The following CECR2 variants were observed in gnomAD, a reference collection of about 807,000 sequenced individuals.
CECR2 encodes the protein CECR2 histone acetyl-lysine reader, also known as chromatin remodeling regulator CECR2.
CECR2 carries 30 observed loss-of-function variants against 154.5 expected under a neutral mutation model. That is an observed-to-expected ratio of 0.19 (90% CI 0.15 to 0.26). The LOEUF (loss-of-function observed/expected upper bound fraction) is 0.26, where lower values mean the gene tolerates loss of function less well. CECR2 is among the 10% of genes least tolerant of loss of function. The pLI is 1.00. For missense variants in CECR2, 1,743 were observed against 1,829.3 expected (o/e 0.95, Z 0.86); for synonymous variants, 725 against 683.7 (o/e 1.06, Z -0.94).
intron 8 of CECR2, among the ~76,000 whole-genome samples, chr22:17,522,981 G>A (rs938828680): frequency 2.6e-5 from 4 of 151,226 alleles, no homozygotes; most frequent in Admixed American, 1.3e-4. Context: ...CTCCAGCCTT[G>A]GTGACAAAGC....
intron 1 of CECR2, among the ~76,000 whole-genome samples, chr22:17,457,915 A>C (rs2054878828): frequency 2.0e-5 from 3 of 152,248 alleles, no homozygotes; most frequent in Admixed American, 1.3e-4. Flanking sequence ...AAGCTTATAT[A>C]TGATATTATT....
At chr22:17,359,990 T>C (rs1224429710) in exon 1 of CECR2, 2 of 152,346 alleles carry the variant, frequency 1.3e-5, no homozygotes, top group Admixed American at 6.5e-5. Flanking sequence ...TTCACTTATA[T>C]AGTACTCAGC....
intron 2 of CECR2, among the ~76,000 whole-genome samples, chr22:17,482,334 G>A (rs950010047): frequency 1.3e-5 from 2 of 151,962 alleles, no homozygotes; most frequent in East Asian, 3.9e-4. Flanking sequence ...TGAGGCAGGA[G>A]AATGGCGTGA....
At chr22:17,533,282 C>T (rs1009870515) in intron 9 of CECR2, among the ~76,000 whole-genome samples, 4 of 149,014 alleles carry the variant, frequency 2.7e-5, no homozygotes, top group East Asian at 2.0e-4. Flanking sequence ...ATAGCGCCAC[C>T]GCAGCACTCC....
At position 17,482,429 on chromosome 22, in the gene CECR2, T is replaced by C. The variant is rs193137534; in HGVS notation, c.221+4747T>C. ...ACAGAGCGAGACAAGACATAGCATA[T>C]ACCGTCATGTACACTACATAATAGT... On this transcript the variant is annotated intron_variant, in intron 2 of 18. Transcript: ENST00000262608. Among the ~76,000 whole-genome samples the C allele has an allele frequency of 1.0e-3, 153 of 152,246 alleles. 1 individual carries two copies. Among genetic ancestry groups the C allele is most frequent in the African/African-American group, 3.5e-3 (145 of 41,576 alleles).
At chr22:17,411,061 C>T (rs2054061883) in intron 1 of CECR2, among the ~76,000 whole-genome samples, 1 of 152,164 alleles carries the variant, frequency 6.6e-6, no homozygotes, top group Non-Finnish European at 1.5e-5. Flanking sequence ...CTCATTGTTT[C>T]ATATTTACGA....
chr22:17,428,351 G>C (rs2054363156), intron 1 of CECR2: 1 of 152,004 alleles, frequency 6.6e-6, no homozygotes, highest in South Asian at 2.1e-4. Flanking sequence ...CTAGATCCTA[G>C]ATCCATTATT....
intron 1 of CECR2, among the ~76,000 whole-genome samples, chr22:17,440,508 T>C (rs535749374): frequency 6.6e-6 from 1 of 152,160 alleles, no homozygotes; most frequent in African/African-American, 2.4e-5. Context: ...CACTAGTAAC[T>C]AAGGAACTAA....
intron 6 of CECR2, among the ~76,000 whole-genome samples, chr22:17,503,665 T>C (rs554621297): frequency 7.6e-4 from 116 of 152,326 alleles, no homozygotes; most frequent in South Asian, 2.9e-3. Flanking sequence ...ACAGTAGTTA[T>C]ATTTGTATTG....
Position 17,524,259 on chromosome 22 carries a change from A to G in CECR2, c.1096A>G (p.Lys366Glu). The G allele has an allele frequency of 1.9e-6, 3 of 1,608,454 alleles. No individual in the cohort carries two copies. The highest frequency in any genetic ancestry group is 2.5e-6 in the Non-Finnish European group (3 of 1,177,762). The stretch of plus-strand genomic sequence containing the variant: ...GAAACGCGAGTTGGAGGAGAAGGTC[A>G]AGGCAGTGGAAGGTATGTGCAGTGT... ...ERKRELEEKV[K>E]AVEDRAKRRK... The change falls in exon 9 of 19, where the codon AAG becomes GAG. Residue 366 changes from lysine to glutamate, a missense_variant. This residue lies in a region of CECR2 where 292 missense variants were observed against 301.2 expected (regional missense o/e 0.97). Transcript: ENST00000262608.
At chr22:17,494,639 TAGTA>T (rs919582741) in intron 2 of CECR2, among the ~76,000 whole-genome samples, 1 of 152,210 alleles carries the variant, frequency 6.6e-6, no homozygotes, top group Non-Finnish European at 1.5e-5. Context: ...CCCAGTGAGA[TAGTA>T]AGAGTAGGGG....
At position 17,360,271 on chromosome 22, in the gene CECR2, G is replaced by A. The variant is rs563235692; in HGVS notation, c.-364+248G>A. Among the ~76,000 whole-genome samples, 3 of 152,338 alleles carry A rather than the reference G, an allele frequency of 2.0e-5. No homozygotes were observed. In the South Asian group the frequency reaches 6.2e-4, roughly 32 times the overall value. On this transcript the variant is annotated intron_variant, in intron 1 of 18. Transcript: ENST00000400585. Reference sequence around the variant, plus strand: ...CCCATCTACTTGGGATGCTGTTACCGGAGGATCCCTTGTGCCCGAGGAATT... The same window carrying A: ...CCCATCTACTTGGGATGCTGTTACCAGAGGATCCCTTGTGCCCGAGGAATT...
intron 1 of CECR2, among the ~76,000 whole-genome samples, chr22:17,380,900 T>C (rs969587313): frequency 8.5e-5 from 13 of 152,236 alleles, no homozygotes; most frequent in African/African-American, 4.8e-5. Flanking sequence ...ACAATGGCAC[T>C]GAGGACAGTT....
intron 1 of CECR2, among the ~76,000 whole-genome samples, chr22:17,475,176 A>G (rs1472463787): frequency 6.6e-6 from 1 of 152,180 alleles, no homozygotes; most frequent in Non-Finnish European, 1.5e-5. Context: ...TCTCCCGTAA[A>G]GAACTGCAGT....
At chr22:17,538,828 G>A (rs561941834) in intron 12 of CECR2, 97 bp downstream of exon 12, 22 of 1,296,992 alleles carry the variant, frequency 1.7e-5, no homozygotes, top group South Asian at 1.1e-4. Context: ...ATTTTGATAC[G>A]TTTTTCTTTT....
Position 17,505,534 on chromosome 22 carries a change from C to CTTTTTT in CECR2, c.870+536_870+541dup, listed in dbSNP as rs11387639. The stretch of plus-strand genomic sequence containing the variant: ...TCAAACATCCTTCATCCTCTTTTTC[C>CTTTTTT]TTTTTTTTTTTTTTTTTTTTTTTGA... On this transcript the variant is annotated intron_variant, in intron 7 of 18. Transcript: ENST00000262608. Among the ~76,000 whole-genome samples, 87 of 98,838 alleles carry CTTTTTT rather than the reference C, an allele frequency of 8.8e-4. 1 individual carries two copies. Among genetic ancestry groups the CTTTTTT allele is most frequent in the Middle Eastern group, 9.4e-3 (1 of 106 alleles). 64.8% of individuals were successfully genotyped at this position (98,838 alleles called of 152,430 possible).
At chr22:17,390,381 G>A (rs2063313716) in intron 1 of CECR2, among the ~76,000 whole-genome samples, 1 of 152,172 alleles carries the variant, frequency 6.6e-6, no homozygotes, top group Non-Finnish European at 1.5e-5. Context: ...TATTGGTGGT[G>A]GTTACTAACT....
At chr22:17,531,269 G>A (rs1601524397) in intron 9 of CECR2, among the ~76,000 whole-genome samples, 2 of 152,178 alleles carry the variant, frequency 1.3e-5, no homozygotes, top group Non-Finnish European at 2.9e-5. Flanking sequence ...CAGAGGTGGG[G>A]GGCTGCAGCC....
At chr22:17,418,943 G>C (rs1314275253) in intron 1 of CECR2, 1 of 206,266 alleles carries the variant, frequency 4.8e-6, no homozygotes, top group East Asian at 1.5e-4. Flanking sequence ...GCCAGCGAGA[G>C]GCTGGAGCTG....
Sources: allele counts gnomAD v4.1 joint callset (sites outside exome capture counted in the v4.1 genomes callset), GRCh38; gene constraint gnomAD v4.1.1; regional missense constraint gnomAD v4.1.1; transcripts MANE v1.5; gene names NCBI Gene and HGNC (gene_info 2026-07-23, HGNC 2026-07-21).